The following PCDH9 variants were observed in gnomAD, a reference collection of about 807,000 sequenced individuals.
PCDH9 encodes protocadherin 9.
A neutral mutation model predicts 70.6 loss-of-function variants in PCDH9; 24 were observed. The ratio of observed to expected loss-of-function variants is 0.34; its 90% CI spans 0.25 to 0.48. The LOEUF is 0.48. PCDH9 is among the 20% of genes least tolerant of loss of function. PCDH9 has a pLI of 0.99. For missense variants in PCDH9, 1,281 were observed against 1,503.6 expected, an observed-to-expected ratio of 0.85 and a Z score of 2.45; for synonymous variants, 562 against 558.5, an observed-to-expected ratio of 1.01 and a Z score of -0.09.
chr13:67,125,370 C>G (rs2086956516), intron 2 of PCDH9, among the ~76,000 whole-genome samples: 1 of 152,126 alleles, frequency 6.6e-6, no homozygotes, highest in Admixed American at 6.6e-5. Context: ...CAGATCCACT[C>G]TGTGTATGGG....
intron 3 of PCDH9, among the ~76,000 whole-genome samples, chr13:66,786,292 C>A (rs2080078550): frequency 6.6e-6 from 1 of 152,170 alleles, no homozygotes; most frequent in South Asian, 2.1e-4. Context: ...TGAGAATCAG[C>A]CATGTGGCAT....
At chr13:66,567,957 C>G (rs1469728270) in intron 4 of PCDH9, among the ~76,000 whole-genome samples, 1 of 152,102 alleles carries the variant, frequency 6.6e-6, no homozygotes, top group Non-Finnish European at 1.5e-5. Flanking sequence ...GGTTTGCATC[C>G]TAAGCCTAAA....
At chr13:66,835,202 T>C (rs2080995636) in intron 3 of PCDH9, among the ~76,000 whole-genome samples, 1 of 152,216 alleles carries the variant, frequency 6.6e-6, no homozygotes, top group Non-Finnish European at 1.5e-5. Flanking sequence ...AAGTCTGTTT[T>C]TGTAGGAAAT....
intron 3 of PCDH9, among the ~76,000 whole-genome samples, chr13:66,698,294 C>T (rs1462251955): frequency 6.6e-6 from 1 of 152,030 alleles, no homozygotes; most frequent in African/African-American, 2.4e-5. Context: ...CTGTATTGTA[C>T]CACAACAAAA....
chr13:66,368,686 T>C (rs1028710074), intron 4 of PCDH9, among the ~76,000 whole-genome samples: 1 of 152,044 alleles, frequency 6.6e-6, no homozygotes, highest in Non-Finnish European at 1.5e-5. Context: ...TATTAGTCCA[T>C]TTTCATGCTG....
At chr13:66,679,655 C>T (rs571638789) in intron 3 of PCDH9, among the ~76,000 whole-genome samples, 2 of 151,862 alleles carry the variant, frequency 1.3e-5, no homozygotes, top group Admixed American at 6.6e-5. Flanking sequence ...GTTAATGTTA[C>T]AGTAATTTAA....
intron 3 of PCDH9, among the ~76,000 whole-genome samples, chr13:66,800,381 C>A (rs974750426): frequency 1.3e-5 from 2 of 152,082 alleles, no homozygotes; most frequent in Non-Finnish European, 2.9e-5. Context: ...TAACTTTGCC[C>A]TACCCCCACT....
At chr13:66,496,624 T>G (rs972671895) in intron 4 of PCDH9, among the ~76,000 whole-genome samples, 59 of 152,334 alleles carry the variant, frequency 3.9e-4, no homozygotes, top group African/African-American at 1.4e-3. Flanking sequence ...TGTAATGGCC[T>G]TTAAAAATGG....
chr13:67,002,429 A>G (rs948037873), intron 2 of PCDH9, among the ~76,000 whole-genome samples: 6 of 151,948 alleles, frequency 3.9e-5, no homozygotes, highest in Non-Finnish European at 7.4e-5. Flanking sequence ...TACTGTTAGA[A>G]TGGTAATCAA....
intron 2 of PCDH9, among the ~76,000 whole-genome samples, chr13:67,107,711 AAGACCTGAACTG>A: frequency 6.6e-6 from 1 of 152,312 alleles, no homozygotes; most frequent in Non-Finnish European, 1.5e-5. Flanking sequence ...GACAGAACTC[AAGACCTGAACTG>A]AGACCTGCCA....
At chr13:66,831,025 C>G (rs1169593785) in intron 3 of PCDH9, among the ~76,000 whole-genome samples, 1 of 152,166 alleles carries the variant, frequency 6.6e-6, no homozygotes, top group Non-Finnish European at 1.5e-5. Context: ...GGTCAATACA[C>G]AGACATGAGT....
intron 2 of PCDH9, among the ~76,000 whole-genome samples, chr13:67,029,355 G>A (rs1334502265): frequency 2.0e-5 from 3 of 152,118 alleles, no homozygotes; most frequent in Admixed American, 6.6e-5. Flanking sequence ...GTCTTTGCAA[G>A]TTCTCACTCT....
At chr13:66,688,386 G>C (rs1490551196) in intron 3 of PCDH9, among the ~76,000 whole-genome samples, 1 of 152,100 alleles carries the variant, frequency 6.6e-6, no homozygotes, top group Non-Finnish European at 1.5e-5. Flanking sequence ...AGCTCTTCCT[G>C]ATGAATAGAA....
At chr13:66,341,764 T>C (rs923233548) in intron 4 of PCDH9, among the ~76,000 whole-genome samples, 5 of 152,126 alleles carry the variant, frequency 3.3e-5, no homozygotes, top group Admixed American at 1.3e-4. Flanking sequence ...ACAGGACTTT[T>C]GTATAGCAAT....
intron 4 of PCDH9, among the ~76,000 whole-genome samples, chr13:66,621,855 T>G (rs2077425483): frequency 1.3e-5 from 2 of 152,254 alleles, no homozygotes; most frequent in South Asian, 4.1e-4. Context: ...TGGCACTTGA[T>G]GAGCCCTTCA....
chr13:67,026,751 G>C lies in PCDH9; in HGVS notation c.3037-123146C>G, dbSNP rs2084790558. ...CAAAATCAATGTACAAAAATCACAA[G>C]CATTCTTATACACCAACAACAGACA... On this transcript the variant is annotated intron_variant, in intron 2 of 4. Coordinates refer to ENST00000377865, the MANE Select transcript of PCDH9 (RefSeq NM_203487.3). 2.0e-5 allele frequency among the ~76,000 whole-genome samples: 3 copies of C among 151,828 alleles called. No homozygotes were observed. In the South Asian group the frequency reaches 6.2e-4, roughly 32 times the overall value.
intron 3 of PCDH9, among the ~76,000 whole-genome samples, chr13:66,818,058 A>C (rs1267848810): frequency 6.6e-6 from 1 of 152,186 alleles, no homozygotes; most frequent in Non-Finnish European, 1.5e-5. Flanking sequence ...AAATATACAG[A>C]CTTTCCCCTC....
At chr13:66,351,164 T>C (rs1956285883) in intron 4 of PCDH9, among the ~76,000 whole-genome samples, 1 of 152,188 alleles carries the variant, frequency 6.6e-6, no homozygotes, top group South Asian at 2.1e-4. Flanking sequence ...TTCATTTGAT[T>C]CTTTCTACAA....
intron 2 of PCDH9, among the ~76,000 whole-genome samples, chr13:67,107,422 T>G (rs1318512196): frequency 6.6e-6 from 1 of 152,104 alleles, no homozygotes; most frequent in Admixed American, 6.5e-5. Flanking sequence ...TCAGCCAGAC[T>G]CACAGAGACA....
Sources: gnomAD v4.1 joint callset for allele counts (sites outside exome capture counted in the v4.1 genomes callset) on GRCh38, gnomAD v4.1.1 for gene constraint, MANE v1.5 for transcripts, NCBI Gene and HGNC (gene_info 2026-07-23, HGNC 2026-07-21) for gene names.